The following DACH2 variants were observed in gnomAD, a reference collection of about 807,000 sequenced individuals.
The protein encoded by DACH2 is dachshund family transcription factor 2.
Under a neutral mutation model 35.8 loss-of-function variants are expected in DACH2, and 17 were observed. The observed-to-expected ratio is 0.48, with a 90% CI of 0.33 to 0.71. The LOEUF is 0.71. Ranked by LOEUF, DACH2 falls within the 30% of genes least tolerant of loss-of-function variation. The probability of loss-of-function intolerance (pLI) is 0.02; values close to 1 mark genes in which losing one functional copy is unlikely to be tolerated. For missense variants in DACH2, 469 were observed against 472.7 expected (o/e 0.99, Z 0.07); for synonymous variants, 195 against 177.3 (o/e 1.10, Z -0.79).
At chrX:86,294,341 G>C (rs1390860256) in intron 1 of DACH2, among the ~76,000 whole-genome samples, 1 of 109,753 alleles carries the variant, frequency 9.1e-6, no homozygotes, top group East Asian at 2.9e-4. Flanking sequence ...TTTTTTCAAA[G>C]TTTTCAACTT....
intron 1 of DACH2, among the ~76,000 whole-genome samples, chrX:86,274,526 GCT>G (rs2033879415): frequency 1.4e-5 from 1 of 69,202 alleles, no homozygotes; most frequent in Non-Finnish European, 2.4e-5. Context: ...GACGGATCTC[GCT>G]CTGTCGCCCA....
At chrX:86,477,473 T>G (rs2037865401) in intron 2 of DACH2, among the ~76,000 whole-genome samples, 1 of 107,404 alleles carries the variant, frequency 9.3e-6, no homozygotes, top group African/African-American at 3.4e-5. Context: ...TCTGATATAT[T>G]TATAGTGACA....
At chrX:86,399,814 T>A (rs2036385985) in intron 2 of DACH2, among the ~76,000 whole-genome samples, 1 of 111,848 alleles carries the variant, frequency 8.9e-6, no homozygotes, top group East Asian at 2.8e-4. Flanking sequence ...GCCCTTAACA[T>A]TTTTTCCTTC....
intron 1 of DACH2, among the ~76,000 whole-genome samples, chrX:86,155,384 A>G (rs1200975122): frequency 1.8e-5 from 2 of 111,095 alleles, no homozygotes; most frequent in Non-Finnish European, 3.8e-5. Context: ...AATTATTTGT[A>G]AGTCATAAAT....
chrX:86,567,773 C>T (rs2039311096), intron 3 of DACH2, among the ~76,000 whole-genome samples: 2 of 110,857 alleles, frequency 1.8e-5, no homozygotes, highest in African/African-American at 6.5e-5. Flanking sequence ...GTCATTGTGG[C>T]TGAGTTTTTT....
intron 1 of DACH2, among the ~76,000 whole-genome samples, chrX:86,305,817 C>T (rs1203759327): frequency 1.8e-5 from 2 of 110,726 alleles, no homozygotes; most frequent in Non-Finnish European, 3.8e-5. Flanking sequence ...ATACAAATGA[C>T]ACATAACCAG....
intron 1 of DACH2, among the ~76,000 whole-genome samples, chrX:86,205,490 C>CTCCTTCCTTCCTTCCTTCCTTCCT (rs1199616660): frequency 4.3e-5 from 1 of 23,330 alleles, no homozygotes; most frequent in Non-Finnish European, 7.7e-5. Flanking sequence ...CCCTCCTTCC[C>CTCCTTCCTTCCTTCCTTCCTTCCT]TCCTTCCTTC....
chrX:86,629,810 G>T (rs2040179291), intron 3 of DACH2, among the ~76,000 whole-genome samples: 1 of 110,821 alleles, frequency 9.0e-6, no homozygotes, highest in Admixed American at 9.6e-5. Context: ...GTCTGGGGTG[G>T]TTGAGGTTGA....
At chrX:86,295,826 C>G (rs905243293) in intron 1 of DACH2, among the ~76,000 whole-genome samples, 3 of 108,293 alleles carry the variant, frequency 2.8e-5, no homozygotes, top group Admixed American at 9.8e-5. Flanking sequence ...CATCAGAGAA[C>G]AAGATTTTTT....
chrX:86,360,626 G>A (rs1388170995), intron 1 of DACH2, among the ~76,000 whole-genome samples: 1 of 110,714 alleles, frequency 9.0e-6, no homozygotes, highest in Non-Finnish European at 1.9e-5. Context: ...CCAAAGTCCT[G>A]CAGCTAATGT....
chrX:86,151,584 A>T (rs1181111667), intron 1 of DACH2, among the ~76,000 whole-genome samples: 1 of 111,393 alleles, frequency 9.0e-6, no homozygotes, highest in Admixed American at 9.6e-5. Context: ...CTAATTAATT[A>T]TAAAATGATA....
At chrX:86,472,722 A>G (rs2037780018) in intron 2 of DACH2, among the ~76,000 whole-genome samples, 2 of 112,079 alleles carry the variant, frequency 1.8e-5, no homozygotes, top group African/African-American at 6.5e-5. Flanking sequence ...ATACAATTAC[A>G]GTTAGTTTCT....
chrX:86,300,536 G>A (rs2034555211), intron 1 of DACH2, among the ~76,000 whole-genome samples: 1 of 108,120 alleles, frequency 9.2e-6, no homozygotes, highest in African/African-American at 3.4e-5. Context: ...GTTGTGGGGT[G>A]GGGGAAGGGA....
chrX:86,260,440 C>T (rs991660632), intron 1 of DACH2, among the ~76,000 whole-genome samples: 2 of 111,714 alleles, frequency 1.8e-5, no homozygotes, highest in South Asian at 3.7e-4. Context: ...CTGGGTTCTC[C>T]GAATAGGTAA....
intron 5 of DACH2, among the ~76,000 whole-genome samples, chrX:86,705,063 A>ATATATCTCACATATATATATATC (rs59432076): frequency 0.15 from 15,962 of 104,466 alleles, 1,181 homozygotes; most frequent in East Asian, 0.44. Context: ...ATATATATAT[A>ATATATCTCACATATATATATATC]TATCTCACAT....
At chrX:86,593,145 C>T (rs190020282) in intron 3 of DACH2, among the ~76,000 whole-genome samples, 92 of 110,812 alleles carry the variant, frequency 8.3e-4, no homozygotes, top group Non-Finnish European at 4.9e-4. Flanking sequence ...ATAAAATTAG[C>T]TGTAGGATTT....
chrX:86,659,867 T>A lies in DACH2; in HGVS notation c.772+8700T>A, dbSNP rs141671874. 1.9e-3 allele frequency among the ~76,000 whole-genome samples: 205 copies of A among 110,422 alleles called. 1 individual carries two copies. The highest frequency in any genetic ancestry group is 6.5e-3 in the African/African-American group (198 of 30,522). ...TTAGTCTAGTCCCATCTTCTGTTTG[T>A]ATTGTTTTTACTTAATGGGTACTCT... On this transcript the variant is annotated intron_variant, in intron 4 of 11. Transcript: ENST00000373125.
chrX:86,584,807 C>G (rs936569927), intron 3 of DACH2, among the ~76,000 whole-genome samples: 1 of 111,093 alleles, frequency 9.0e-6, no homozygotes, highest in Admixed American at 9.6e-5. Context: ...AGCTTTTCAG[C>G]TTTTCAGTGT....
chrX:86,168,847 TACTG>T (rs1018069373), intron 1 of DACH2, among the ~76,000 whole-genome samples: 1 of 111,408 alleles, frequency 9.0e-6, no homozygotes, highest in African/African-American at 3.3e-5. Flanking sequence ...TATTTTATTG[TACTG>T]ACTATGTCTT....
Sources: allele counts gnomAD v4.1 joint callset (sites outside exome capture counted in the v4.1 genomes callset), GRCh38; gene constraint gnomAD v4.1.1; transcripts MANE v1.5; gene names NCBI Gene and HGNC (gene_info 2026-07-23, HGNC 2026-07-21).